ELAVL4: variants seen among roughly 807,000 people sequenced by gnomAD.
ELAVL4 encodes ELAV-like protein 4.
A neutral mutation model predicts 35.6 loss-of-function variants in ELAVL4; 1 was observed. The observed-to-expected ratio is 0.03, with a 90% CI of 0.01 to 0.13. The LOEUF (loss-of-function observed/expected upper bound fraction) is 0.13. Ranked by LOEUF, ELAVL4 falls within the 10% of genes least tolerant of loss-of-function variation. The pLI is 1.00. For synonymous variants in ELAVL4, 156 were observed against 171.0 expected, an observed-to-expected ratio of 0.91 and a Z score of 0.69; for missense variants, 267 against 464.9, an observed-to-expected ratio of 0.57 and a Z score of 3.91.
upstream of ELAVL4, among the ~76,000 whole-genome samples, chr1:50,100,219 C>T (rs886907285): frequency 1.3e-5 from 2 of 152,154 alleles, no homozygotes; most frequent in Non-Finnish European, 2.9e-5. Flanking sequence ...ACAGCACCTA[C>T]CATAATGTTC....
chr1:50,193,028 C>T (rs1027175557), intron 3 of ELAVL4, among the ~76,000 whole-genome samples: 6 of 152,182 alleles, frequency 3.9e-5, no homozygotes, highest in Non-Finnish European at 7.3e-5. Context: ...TCTTCTCTCT[C>T]TCTACTGCCC....
At chr1:50,097,325 A>G (rs1665760737) in intron 1 of ELAVL4, among the ~76,000 whole-genome samples, 1 of 152,242 alleles carries the variant, frequency 6.6e-6, no homozygotes, top group Non-Finnish European at 1.5e-5. Flanking sequence ...CTTCTTCAAA[A>G]GCTTAATTTC....
At chr1:50,108,041 A>G (rs544213793), upstream of ELAVL4, among the ~76,000 whole-genome samples, 2 of 152,352 alleles carry the variant, frequency 1.3e-5, no homozygotes, top group Non-Finnish European at 2.9e-5. Flanking sequence ...GCTGTTGTCA[A>G]AAGCATGTTT....
rs1359365486 is a variant in ELAVL4, at chr1:50,177,081, T to C, written c.251-8T>C. 6.2e-7 allele frequency: 1 copy of C among 1,608,906 alleles called. No individual in the cohort carries two copies. ...CCCTTTCTCTCTCTCTTTTTAATAT[T>C]TCCACAGGACAGAGTTTAGGGTATG... On this transcript the variant is annotated splice_region_variant and splice_polypyrimidine_tract_variant and intron_variant, in intron 2 of 6. Transcript: ENST00000371824.
chr1:50,152,304 A>T (rs1674932564), intron 2 of ELAVL4, among the ~76,000 whole-genome samples: 1 of 152,106 alleles, frequency 6.6e-6, no homozygotes, highest in Non-Finnish European at 1.5e-5. Flanking sequence ...TTTACCTAGG[A>T]TGTGAATCAG....
intron 1 of ELAVL4, chr1:50,141,775 T>C (rs1672863755): frequency 6.6e-6 from 1 of 152,220 alleles, no homozygotes; most frequent in African/African-American, 2.4e-5. Flanking sequence ...GGACCAGCCT[T>C]CTAGAATCCT....
chr1:50,127,378 G>A (rs1180639399), intron 1 of ELAVL4, among the ~76,000 whole-genome samples: 1 of 152,122 alleles, frequency 6.6e-6, no homozygotes, highest in African/African-American at 2.4e-5. Context: ...GGAGAGAGAG[G>A]AGTTGTCTGA....
At chr1:50,067,747 T>C (rs1048928334) in intron 1 of ELAVL4, among the ~76,000 whole-genome samples, 1 of 152,178 alleles carries the variant, frequency 6.6e-6, no homozygotes, top group Non-Finnish European at 1.5e-5. Flanking sequence ...CTGGGTAATT[T>C]ATAAAGAAAG....
intron 1 of ELAVL4, among the ~76,000 whole-genome samples, chr1:50,097,627 T>G (rs989701496): frequency 1.3e-5 from 2 of 152,170 alleles, no homozygotes; most frequent in African/African-American, 2.4e-5. Context: ...TGGATCTTAC[T>G]TTCACAAACA....
At chr1:50,107,357 C>T (rs935111777), upstream of ELAVL4, among the ~76,000 whole-genome samples, 3 of 152,146 alleles carry the variant, frequency 2.0e-5, no homozygotes, top group African/African-American at 7.2e-5. Context: ...AATAGCTGAA[C>T]GTATTCATAC....
At chr1:50,182,591 T>C (rs1681217741) in intron 3 of ELAVL4, among the ~76,000 whole-genome samples, 1 of 152,158 alleles carries the variant, frequency 6.6e-6, no homozygotes, top group South Asian at 2.1e-4. Context: ...GCAAAAGATC[T>C]GATCAAAGTA....
upstream of ELAVL4, among the ~76,000 whole-genome samples, chr1:50,102,875 G>A (rs1034252908): frequency 6.6e-6 from 1 of 152,120 alleles, no homozygotes; most frequent in Non-Finnish European, 1.5e-5. Flanking sequence ...GAAAAGTCCA[G>A]ACAGCCATTC....
At chr1:50,169,909 G>A (rs1052245792) in intron 2 of ELAVL4, among the ~76,000 whole-genome samples, 1 of 152,146 alleles carries the variant, frequency 6.6e-6, no homozygotes, top group African/African-American at 2.4e-5. Flanking sequence ...GCTATAATTA[G>A]TTTTTATACC....
At chr1:50,109,302 C>A in intron 1 of ELAVL4, 104 bp downstream of exon 1, 1 of 1,267,298 alleles carries the variant, frequency 7.9e-7, no homozygotes, top group Non-Finnish European at 1.1e-6. Context: ...TAGTTCTGTG[C>A]TGCTGTTTGG....
At chr1:50,067,957 C>G (rs949615858) in intron 1 of ELAVL4, among the ~76,000 whole-genome samples, 3 of 152,156 alleles carry the variant, frequency 2.0e-5, no homozygotes, top group African/African-American at 7.2e-5. Context: ...ATGGAGGTAA[C>G]TGCCGCCATG....
chr1:50,153,677 T>C (rs12736350), intron 2 of ELAVL4, among the ~76,000 whole-genome samples: 11,245 of 152,246 alleles, frequency 0.074, 860 homozygotes, highest in East Asian at 0.42. Flanking sequence ...GAGCGAAGCT[T>C]CAGAGACATT....
intron 1 of ELAVL4, among the ~76,000 whole-genome samples, chr1:50,088,264 G>A (rs1372111547): frequency 6.6e-6 from 1 of 152,176 alleles, no homozygotes; most frequent in Non-Finnish European, 1.5e-5. Flanking sequence ...TTGCTGGACT[G>A]GGAACTCACT....
At chr1:50,106,428 G>A (rs1348046666), upstream of ELAVL4, 1 of 1,541,864 alleles carries the variant, frequency 6.5e-7, no homozygotes, top group South Asian at 1.1e-5. Flanking sequence ...CAGCCCCACA[G>A]TGCTGGGATA....
At chr1:50,119,080 G>GAAAGAAAGAA (rs1668570840) in intron 1 of ELAVL4, among the ~76,000 whole-genome samples, 1 of 134,596 alleles carries the variant, frequency 7.4e-6, no homozygotes, top group Admixed American at 7.3e-5. Flanking sequence ...AAGAAAGAAA[G>GAAAGAAAGAA]AAAGAAAGAA....
Sources: allele counts gnomAD v4.1 joint callset (sites outside exome capture counted in the v4.1 genomes callset), GRCh38; gene constraint gnomAD v4.1.1; transcripts MANE v1.5; gene names NCBI Gene and HGNC (gene_info 2026-07-23, HGNC 2026-07-21).